The following ITPR1 variants were observed in gnomAD, a reference collection of about 807,000 sequenced individuals.
ITPR1 encodes inositol 1,4,5-trisphosphate receptor type 1.
A neutral mutation model predicts 318.4 loss-of-function variants in ITPR1; 96 were observed. That is an observed-to-expected ratio of 0.30 (90% CI 0.26 to 0.36). The LOEUF (loss-of-function observed/expected upper bound fraction) is 0.36. Ranked by LOEUF, ITPR1 falls within the 10% of genes least tolerant of loss-of-function variation. The pLI is 1.00. For synonymous variants in ITPR1, 1,312 were observed against 1,289.9 expected (o/e 1.02, Z -0.37); for missense variants, 2,440 against 3,460.2 (o/e 0.71, Z 7.40).
chr3:4,656,052 C>T (rs1004793047), intron 12 of ITPR1, among the ~76,000 whole-genome samples: 4 of 152,182 alleles, frequency 2.6e-5, no homozygotes, highest in Admixed American at 1.3e-4. Flanking sequence ...TGTGCTCGTC[C>T]TTCTAAATTC....
chr3:4,783,616 C>T (rs2046977121), intron 50 of ITPR1, among the ~76,000 whole-genome samples, 200 bp from the exon 51 acceptor site: 1 of 152,260 alleles, frequency 6.6e-6, no homozygotes, highest in African/African-American at 2.4e-5. Flanking sequence ...CACGAGCTTT[C>T]CATGCTTTTC....
At chr3:4,740,347 G>C (rs920960708) in intron 44 of ITPR1, among the ~76,000 whole-genome samples, 2 of 152,202 alleles carry the variant, frequency 1.3e-5, no homozygotes, top group Non-Finnish European at 2.9e-5. Flanking sequence ...GTTGACTCTT[G>C]TCTTTCTCCT....
intron 16 of ITPR1, 120 bp downstream of exon 16, chr3:4,663,326 C>A: frequency 1.2e-6 from 1 of 858,274 alleles, no homozygotes; most frequent in Non-Finnish European, 1.7e-6. Context: ...CCCCTTGAGC[C>A]CAGGAAATGG....
At chr3:4,723,790 G>A (rs200402347) in intron 40 of ITPR1, among the ~76,000 whole-genome samples, 3 of 152,034 alleles carry the variant, frequency 2.0e-5, no homozygotes, top group East Asian at 3.9e-4. Context: ...TATTGGATCA[G>A]TATAAAGGAT....
In ITPR1 at chr3:4,688,595, A is replaced by G. The variant is rs559847336; in HGVS notation, c.3803A>G (p.His1268Arg). The G allele has an allele frequency of 1.9e-6, 3 of 1,613,954 alleles. No individual in the cohort carries two copies. The African/African-American group carries it at 4.0e-5, about 22-fold the overall frequency. Residue 1268 changes from histidine to arginine, a missense_variant, in exon 31 of 62, where the codon CAC becomes CGC. Around this residue, in one of 23 missense-constraint regions of ITPR1, gnomAD observed 222 missense variants for 318.8 expected, o/e 0.70. Coordinates refer to ENST00000649015, the MANE Select transcript of ITPR1 (RefSeq NM_001378452.1). ...CAGAATCAAGCTTTGCTACATAAAC[A>G]CATAAACCTGTTTCTCAACCCAGGG... ...NQQNQALLHK[H>R]INLFLNPGIL...
chr3:4,795,757 T>C (rs2047859291), intron 53 of ITPR1, among the ~76,000 whole-genome samples: 1 of 152,212 alleles, frequency 6.6e-6, no homozygotes, highest in Non-Finnish European at 1.5e-5. Context: ...ACATGATGAT[T>C]ATGGTCTTTC....
intron 2 of ITPR1, among the ~76,000 whole-genome samples, chr3:4,498,867 G>A (rs1246623633): frequency 3.9e-5 from 6 of 152,216 alleles, no homozygotes; most frequent in Non-Finnish European, 7.3e-5. Context: ...TATTTACAAG[G>A]AGGACTAATA....
intron 55 of ITPR1, among the ~76,000 whole-genome samples, chr3:4,808,534 C>G (rs150795441): frequency 6.6e-6 from 1 of 152,198 alleles, no homozygotes; most frequent in African/African-American, 2.4e-5. Flanking sequence ...TAGGATCAAA[C>G]CAGATTATGG....
At chr3:4,776,488 G>A (rs913527881) in intron 47 of ITPR1, among the ~76,000 whole-genome samples, 1 of 152,166 alleles carries the variant, frequency 6.6e-6, no homozygotes, top group African/African-American at 2.4e-5. Context: ...GACTTGGGGA[G>A]CCAGGCCCTT....
intron 21 of ITPR1, among the ~76,000 whole-genome samples, chr3:4,673,639 G>C (rs1310194678): frequency 6.6e-6 from 1 of 152,174 alleles, no homozygotes; most frequent in Non-Finnish European, 1.5e-5. Context: ...CTGAACTGCA[G>C]TGGCGCAATC....
intron 54 of ITPR1, among the ~76,000 whole-genome samples, chr3:4,802,540 A>T (rs2048297800): frequency 2.0e-5 from 3 of 152,146 alleles, no homozygotes; most frequent in Admixed American, 1.3e-4. Context: ...GGAAGGAAAC[A>T]GGCTGGGCAC....
In ITPR1 at chr3:4,782,517, C is replaced by A. The variant is rs114885552; in HGVS notation, c.6388-102C>A. 391 of 1,283,664 alleles carry A rather than the reference C, an allele frequency of 3.0e-4. No homozygotes were observed. In the African/African-American group the frequency reaches 3.2e-3, roughly 11 times the overall value. 79.5% of individuals were successfully genotyped at this position (1,283,664 alleles called of 1,614,324 possible). On this transcript the variant is annotated intron_variant, in intron 49 of 61. Coordinates refer to ENST00000649015, the MANE Select transcript of ITPR1 (RefSeq NM_001378452.1). Reference sequence around the variant, plus strand: ...CCGATAGGAGAGAGTGCGGAACAGCCTTTTCCCTGGGAGGGGAGACAGCCA... The same window carrying A: ...CCGATAGGAGAGAGTGCGGAACAGCATTTTCCCTGGGAGGGGAGACAGCCA...
At chr3:4,781,912 G>A (rs2046862874) in intron 49 of ITPR1, among the ~76,000 whole-genome samples, 1 of 152,208 alleles carries the variant, frequency 6.6e-6, no homozygotes, top group Non-Finnish European at 1.5e-5. Context: ...GAGCCTGGGA[G>A]GTCAGGGCTA....
chr3:4,611,019 TCCCCTTCCTCCCTCCCTC>T (rs2092065788), intron 4 of ITPR1, among the ~76,000 whole-genome samples: 1 of 27,278 alleles, frequency 3.7e-5, no homozygotes. Flanking sequence ...CCCTTCCCCT[TCCCCTTCCTCCCTCCCTC>T]CCTCCCTCCC....
Position 4,768,554 on chromosome 3 carries a change from G to A in ITPR1, c.5769G>A (p.Gln1923=). Residue 1923 remains glutamine, a synonymous_variant, in exon 46 of 62, where the codon CAG becomes CAA. Transcript: ENST00000649015. ...AGATAACAGAAGAGGTCCGGGATCA[G>A]CTCCTGGAGGCCTCCGCTGCCACCA... ...TTQITEEVRD[Q]LLEASAATRK... is the part of the protein sequence containing the mutation. 1 of 1,613,924 alleles carries A rather than the reference G, an allele frequency of 6.2e-7. No individual in the cohort carries two copies. Among genetic ancestry groups the A allele is most frequent in the Non-Finnish European group, 8.5e-7 (1 of 1,179,808 alleles).
intron 4 of ITPR1, among the ~76,000 whole-genome samples, chr3:4,532,073 A>G (rs2083459477): frequency 6.6e-6 from 1 of 152,250 alleles, no homozygotes; most frequent in Non-Finnish European, 1.5e-5. Context: ...ATTAAATGCC[A>G]TAACACTGCT....
chr3:4,839,727 C>T (rs200217365), intron 61 of ITPR1, among the ~76,000 whole-genome samples: 2 of 152,188 alleles, frequency 1.3e-5, no homozygotes, highest in East Asian at 3.9e-4. Flanking sequence ...TTAGTTTAAA[C>T]AAAATATGTA....
intron 4 of ITPR1, among the ~76,000 whole-genome samples, chr3:4,527,158 G>A (rs553924965): frequency 6.6e-6 from 1 of 152,204 alleles, no homozygotes; most frequent in East Asian, 1.9e-4. Flanking sequence ...TCTTCCAAAG[G>A]CTGGGCCCAG....
chr3:4,546,036 A>G (rs2084962721), intron 4 of ITPR1, among the ~76,000 whole-genome samples: 1 of 152,186 alleles, frequency 6.6e-6, no homozygotes, highest in South Asian at 2.1e-4. Flanking sequence ...GCTCTTGAGT[A>G]AAACGGTCAC....
Sources: allele counts gnomAD v4.1 joint callset (sites outside exome capture counted in the v4.1 genomes callset), GRCh38; gene constraint gnomAD v4.1.1; regional missense constraint gnomAD v4.1.1; transcripts MANE v1.5; gene names NCBI Gene and HGNC (gene_info 2026-07-23, HGNC 2026-07-21).